The following CNIH3 variants were observed in gnomAD, a reference collection of about 807,000 sequenced individuals.
The protein encoded by CNIH3 is protein cornichon homolog 3.
In CNIH3, 14 loss-of-function variants were observed where a neutral mutation model predicts 24.1. The observed-to-expected ratio is 0.58, with a 90% CI of 0.38 to 0.91. The LOEUF (loss-of-function observed/expected upper bound fraction) is 0.91. Ranked by LOEUF, CNIH3 falls within the 40% of genes least tolerant of loss-of-function variation. The pLI, the probability that CNIH3 is intolerant of heterozygous loss-of-function variation, is 0.00. For missense variants in CNIH3, 178 were observed against 196.8 expected, an observed-to-expected ratio of 0.90 and a Z score of 0.57; for synonymous variants, 68 against 73.8, an observed-to-expected ratio of 0.92 and a Z score of 0.40.
intron 1 of CNIH3, among the ~76,000 whole-genome samples, chr1:224,631,242 C>T (rs1034758279): frequency 6.6e-6 from 1 of 152,188 alleles, no homozygotes; most frequent in African/African-American, 2.4e-5. Context: ...ATTCCCTTTT[C>T]ACTGGATCCC....
chr1:224,667,987 G>T (rs1315895546), intron 1 of CNIH3, among the ~76,000 whole-genome samples: 1 of 152,178 alleles, frequency 6.6e-6, no homozygotes, highest in Non-Finnish European at 1.5e-5. Flanking sequence ...TGGGATACAA[G>T]TTAGGTAAAT....
At chr1:224,705,850 CTTT>C (rs61128987) in intron 3 of CNIH3, among the ~76,000 whole-genome samples, 8 of 90,208 alleles carry the variant, frequency 8.9e-5, no homozygotes, top group South Asian at 8.5e-4. Context: ...TCTTTCTTTT[CTTT>C]TTTTTCTTTT....
chr1:224,479,174 A>G (rs1410633206), intron 1 of CNIH3, among the ~76,000 whole-genome samples: 1 of 91,130 alleles, frequency 1.1e-5, no homozygotes, highest in Non-Finnish European at 2.1e-5. Flanking sequence ...TTTTTTTGAG[A>G]CAGAGTTTCA....
At chr1:224,472,750 A>G (rs142360152) in intron 1 of CNIH3, among the ~76,000 whole-genome samples, 202 of 152,342 alleles carry the variant, frequency 1.3e-3, no homozygotes, top group African/African-American at 4.5e-3. Context: ...TTATTCATGT[A>G]ACCAGACACC....
chr1:224,554,994 C>T (rs1239006514), intron 3 of CNIH3, among the ~76,000 whole-genome samples: 1 of 152,098 alleles, frequency 6.6e-6, no homozygotes, highest in African/African-American at 2.4e-5. Flanking sequence ...ATATATGGCA[C>T]AATTTTATAT....
At chr1:224,619,501 C>G (rs531129736) in intron 1 of CNIH3, among the ~76,000 whole-genome samples, 8 of 152,294 alleles carry the variant, frequency 5.3e-5, no homozygotes, top group Non-Finnish European at 1.0e-4. Context: ...CTTTCCTAGT[C>G]TTTTCCTTCT....
intron 1 of CNIH3, among the ~76,000 whole-genome samples, chr1:224,496,810 A>G (rs1572361095): frequency 6.6e-6 from 1 of 152,240 alleles, no homozygotes; most frequent in Admixed American, 6.5e-5. Flanking sequence ...AATGAATGCA[A>G]TACCATAGCT....
chr1:224,471,214 A>T (rs1676355937), intron 1 of CNIH3, among the ~76,000 whole-genome samples: 4 of 151,984 alleles, frequency 2.6e-5, no homozygotes, highest in Admixed American at 2.6e-4. Context: ...CATGTTTTAT[A>T]TTTTTAGTAG....
chr1:224,663,189 A>G (rs889919824), intron 1 of CNIH3, among the ~76,000 whole-genome samples: 3 of 152,184 alleles, frequency 2.0e-5, no homozygotes, highest in Non-Finnish European at 2.9e-5. Flanking sequence ...AGACAGTCCT[A>G]TGATTCAAAG....
intron 1 of CNIH3, among the ~76,000 whole-genome samples, chr1:224,472,526 T>G (rs946023135): frequency 2.6e-5 from 4 of 152,166 alleles, no homozygotes; most frequent in African/African-American, 9.7e-5. Context: ...CTAAGTGAAG[T>G]AACTCAGGAA....
chr1:224,662,316 G>A (rs1685402795), intron 1 of CNIH3, among the ~76,000 whole-genome samples: 1 of 152,008 alleles, frequency 6.6e-6, no homozygotes, highest in Non-Finnish European at 1.5e-5. Context: ...TTATTTCCTT[G>A]TTAATTATTT....
upstream of CNIH3, among the ~76,000 whole-genome samples, chr1:224,512,471 C>T (rs373790846): frequency 1.4e-4 from 21 of 152,076 alleles, no homozygotes; most frequent in African/African-American, 4.1e-4. Flanking sequence ...CAGAGTGAGA[C>T]CTTGTTTCAA....
intron 1 of CNIH3, among the ~76,000 whole-genome samples, chr1:224,506,648 A>G (rs779392268): frequency 2.0e-5 from 3 of 152,210 alleles, no homozygotes; most frequent in Non-Finnish European, 4.4e-5. Flanking sequence ...GTGAGATCAG[A>G]AGGGCAGCCA....
At chr1:224,623,168 C>G (rs115766489) in intron 1 of CNIH3, among the ~76,000 whole-genome samples, 78 of 152,288 alleles carry the variant, frequency 5.1e-4, no homozygotes, top group African/African-American at 1.8e-3. Context: ...GCTCCCTGTT[C>G]TCTACTCCCG....
At chr1:224,551,272 TA>T (rs1190800483) in intron 3 of CNIH3, among the ~76,000 whole-genome samples, 6 of 152,142 alleles carry the variant, frequency 3.9e-5, no homozygotes, top group Non-Finnish European at 8.8e-5. Context: ...CATGCACACA[TA>T]TGTTTATTGC....
intron 2 of CNIH3, among the ~76,000 whole-genome samples, chr1:224,525,903 G>A (rs1258035528): frequency 6.6e-6 from 1 of 152,116 alleles, no homozygotes; most frequent in Non-Finnish European, 1.5e-5. Context: ...CACTGGACAG[G>A]CCTGCCATAC....
intron 4 of CNIH3, among the ~76,000 whole-genome samples, chr1:224,732,880 C>CT (rs1327404031): frequency 1.3e-5 from 2 of 151,918 alleles, no homozygotes; most frequent in African/African-American, 2.4e-5. Context: ...TTTGTCTTAC[C>CT]TTTTTTTTGA....
At chr1:224,552,450 A>G (rs1679960697) in intron 3 of CNIH3, among the ~76,000 whole-genome samples, 1 of 150,768 alleles carries the variant, frequency 6.6e-6, no homozygotes, top group Non-Finnish European at 1.5e-5. Context: ...TATTAGGAGT[A>G]ATATCTCCCT....
intron 3 of CNIH3, among the ~76,000 whole-genome samples, chr1:224,597,019 G>A (rs1351837876): frequency 6.6e-6 from 1 of 152,092 alleles, no homozygotes; most frequent in Non-Finnish European, 1.5e-5. Context: ...AGGCGTGGTG[G>A]TGCATGCCTG....
Sources: gnomAD v4.1 joint callset for allele counts (sites outside exome capture counted in the v4.1 genomes callset) on GRCh38, gnomAD v4.1.1 for gene constraint, MANE v1.5 for transcripts, NCBI Gene and HGNC (gene_info 2026-07-23, HGNC 2026-07-21) for gene names.